CMC1: variants seen among roughly 807,000 people sequenced by gnomAD.
The protein encoded by CMC1 is COX assembly mitochondrial protein homolog.
CMC1 carries 14 observed loss-of-function variants against 14.1 expected under a neutral mutation model. The observed-to-expected ratio is 0.99, with a 90% CI of 0.66 to 1.55. CMC1 has a LOEUF of 1.55. CMC1 is among the 40% of genes most tolerant of loss of function. CMC1 has a pLI of 0.00. For synonymous variants in CMC1, 50 were observed against 38.4 expected, an observed-to-expected ratio of 1.30 and a Z score of -1.12; for missense variants, 127 against 123.8, an observed-to-expected ratio of 1.03 and a Z score of -0.12.
chr3:28,300,736 GCCTT>G (rs577609044), intron 2 of CMC1, among the ~76,000 whole-genome samples: 174 of 120,444 alleles, frequency 1.4e-3, no homozygotes, highest in Middle Eastern at 5.1e-3. Context: ...CTCTCTCCCT[GCCTT>G]CCTTCCTTCC....
intron 2 of CMC1, among the ~76,000 whole-genome samples, chr3:28,290,103 T>G (rs1367610948): frequency 1.3e-5 from 2 of 152,168 alleles, no homozygotes; most frequent in Non-Finnish European, 2.9e-5. Flanking sequence ...TGTATGAAAG[T>G]ACAGTTATAC....
intron 1 of CMC1, among the ~76,000 whole-genome samples, chr3:28,262,592 A>G (rs1179994967): frequency 1.3e-5 from 2 of 152,048 alleles, no homozygotes; most frequent in African/African-American, 4.8e-5. Flanking sequence ...TGGATACTCT[A>G]TAGTAATATG....
intron 2 of CMC1, among the ~76,000 whole-genome samples, chr3:28,264,418 G>A (rs1559408651): frequency 6.6e-6 from 1 of 152,132 alleles, no homozygotes; most frequent in South Asian, 2.1e-4. Context: ...AAAATAAAGA[G>A]TAGTTCTTTG....
At chr3:28,288,630 C>G (rs1701319572) in intron 2 of CMC1, among the ~76,000 whole-genome samples, 1 of 151,772 alleles carries the variant, frequency 6.6e-6, no homozygotes, top group African/African-American at 2.4e-5. Context: ...AATATTAAAA[C>G]AAGGAATATA....
intron 1 of CMC1, among the ~76,000 whole-genome samples, chr3:28,250,615 A>G (rs545974947): frequency 2.0e-5 from 3 of 152,250 alleles, no homozygotes; most frequent in East Asian, 1.9e-4. Context: ...CCGATTTTTC[A>G]GGTAAGAAGG....
At chr3:28,255,397 T>C (rs1396003614) in intron 1 of CMC1, among the ~76,000 whole-genome samples, 3 of 151,892 alleles carry the variant, frequency 2.0e-5, no homozygotes, top group African/African-American at 7.3e-5. Flanking sequence ...CGCGCCACCA[T>C]GCCTGGGTGA....
At chr3:28,307,712 T>TC (rs915008313) in intron 2 of CMC1, among the ~76,000 whole-genome samples, 1 of 152,148 alleles carries the variant, frequency 6.6e-6, no homozygotes, top group Non-Finnish European at 1.5e-5. Flanking sequence ...AGCCAGTTTT[T>TC]CCCCCCACTG....
chr3:28,318,619 G>T (rs1703054698), intron 3 of CMC1: 1 of 151,916 alleles, frequency 6.6e-6, no homozygotes, highest in African/African-American at 2.4e-5. Flanking sequence ...ACGTGTCTTT[G>T]TGAATTATAC....
At chr3:28,313,536 C>T (rs1187148351) in intron 2 of CMC1, among the ~76,000 whole-genome samples, 1 of 152,154 alleles carries the variant, frequency 6.6e-6, no homozygotes, top group African/African-American at 2.4e-5. Flanking sequence ...GCAGTATTAG[C>T]AACATCACTA....
intron 2 of CMC1, chr3:28,292,654 A>G (rs1282647040): frequency 6.6e-6 from 1 of 152,122 alleles, no homozygotes; most frequent in African/African-American, 2.4e-5. Context: ...GATTTCTAAG[A>G]TGTGGTTAGT....
chr3:28,309,821 C>CCCCCCA (rs748593868), intron 2 of CMC1, among the ~76,000 whole-genome samples: 6 of 131,878 alleles, frequency 4.5e-5, no homozygotes, highest in African/African-American at 1.8e-4. Flanking sequence ...CTGATATTTA[C>CCCCCCA]CACACACACA....
At chr3:28,281,184 T>C (rs1442106383) in intron 2 of CMC1, among the ~76,000 whole-genome samples, 1 of 152,256 alleles carries the variant, frequency 6.6e-6, no homozygotes, top group African/African-American at 2.4e-5. Flanking sequence ...GTAAGCTGTC[T>C]ACATAAATGT....
At chr3:28,313,163 A>C (rs1261272928) in intron 2 of CMC1, among the ~76,000 whole-genome samples, 1 of 152,118 alleles carries the variant, frequency 6.6e-6, no homozygotes, top group African/African-American at 2.4e-5. Context: ...GCTTCAAAGA[A>C]TATTTTTACC....
At chr3:28,284,404 A>G (rs1028061619) in intron 2 of CMC1, among the ~76,000 whole-genome samples, 1 of 152,234 alleles carries the variant, frequency 6.6e-6, no homozygotes, top group Non-Finnish European at 1.5e-5. Context: ...TCTCTCACAC[A>G]CAGGCTAAAT....
At chr3:28,305,377 G>C (rs764415691) in intron 2 of CMC1, among the ~76,000 whole-genome samples, 1 of 152,068 alleles carries the variant, frequency 6.6e-6, no homozygotes, top group Non-Finnish European at 1.5e-5. Context: ...GAGTAGTGCC[G>C]CAATAAACAT....
At position 28,309,941 on chromosome 3, in the gene CMC1, C is replaced by CCACACACA. The variant is rs57007112; in HGVS notation, c.110-6350_110-6343dup. On this transcript the variant is annotated intron_variant, in intron 2 of 3. Transcript: ENST00000466830. Reference sequence around the variant, plus strand: ...CCTTTTCTCCTCCACCTGACGTCCACCACACACACACACACACACACACAC... The same window carrying CCACACACA: ...CCTTTTCTCCTCCACCTGACGTCCACCACACACACACACACACACACACACACACACAC... Among the ~76,000 whole-genome samples the CCACACACA allele has an allele frequency of 2.0e-3, 266 of 132,564 alleles. 1 individual carries two copies. Among genetic ancestry groups the CCACACACA allele is most frequent in the Non-Finnish European group, 2.4e-3 (151 of 62,496 alleles). 87.0% of individuals were successfully genotyped at this position (132,564 alleles called of 152,430 possible). A position where few individuals can be genotyped will look rare whatever the true frequency, so the allele number is the denominator to read the frequency against.
intron 3 of CMC1, chr3:28,317,242 T>C (rs1478947523): frequency 6.6e-6 from 1 of 152,066 alleles, no homozygotes; most frequent in Non-Finnish European, 1.5e-5. Context: ...ATAGACCTTT[T>C]TTTAGAATGG....
intron 1 of CMC1, among the ~76,000 whole-genome samples, chr3:28,262,800 A>T (rs1699800563): frequency 6.6e-6 from 1 of 152,154 alleles, no homozygotes; most frequent in Non-Finnish European, 1.5e-5. Context: ...AATGCAGAGA[A>T]ATCACACACG....
intron 2 of CMC1, among the ~76,000 whole-genome samples, chr3:28,274,011 C>T (rs1700428982): frequency 6.6e-6 from 1 of 152,094 alleles, no homozygotes; most frequent in Admixed American, 6.5e-5. Context: ...CTCTTGAATA[C>T]AGCACACTAA....
Sources: allele counts gnomAD v4.1 joint callset (sites outside exome capture counted in the v4.1 genomes callset), GRCh38; gene constraint gnomAD v4.1.1; transcripts MANE v1.5; gene names NCBI Gene and HGNC (gene_info 2026-07-23, HGNC 2026-07-21).